ZFAND3: variants seen among roughly 807,000 people sequenced by gnomAD.
ZFAND3 encodes AN1-type zinc finger protein 3.
Under a neutral mutation model 29.6 loss-of-function variants are expected in ZFAND3, and 10 were observed. That is an observed-to-expected ratio of 0.34 (90% confidence interval 0.21 to 0.57). The LOEUF is 0.57. Among genes scored for constraint, ZFAND3 ranks in the 20% least tolerant of loss-of-function variants. The pLI is 0.86. For synonymous variants in ZFAND3, 128 were observed against 112.6 expected (o/e 1.14, Z -0.87); for missense variants, 230 against 304.5 (o/e 0.76, Z 1.82).
intron 2 of ZFAND3, among the ~76,000 whole-genome samples, chr6:37,938,094 CT>C (rs1672454541): frequency 6.6e-6 from 1 of 152,188 alleles, no homozygotes; most frequent in Non-Finnish European, 1.5e-5. Context: ...TGTATTTACA[CT>C]TTTTATTATG....
intron 2 of ZFAND3, among the ~76,000 whole-genome samples, chr6:37,955,304 G>T (rs1052225563): frequency 6.6e-6 from 1 of 152,134 alleles, no homozygotes. Context: ...AAGTCCTCCA[G>T]ATCATCTTTA....
At chr6:37,892,770 C>G (rs1159065604) in intron 1 of ZFAND3, among the ~76,000 whole-genome samples, 1 of 152,068 alleles carries the variant, frequency 6.6e-6, no homozygotes, top group African/African-American at 2.4e-5. Flanking sequence ...AAAGAGGAGA[C>G]ACTACTGTTG....
At chr6:38,039,213 C>T (rs1452532740) in intron 2 of ZFAND3, among the ~76,000 whole-genome samples, 1 of 152,100 alleles carries the variant, frequency 6.6e-6, no homozygotes, top group African/African-American at 2.4e-5. Context: ...TTAAAATCTG[C>T]TTCCTTACTA....
intron 4 of ZFAND3, among the ~76,000 whole-genome samples, chr6:38,113,814 A>G (rs1356466021): frequency 6.6e-6 from 1 of 152,154 alleles, no homozygotes; most frequent in Non-Finnish European, 1.5e-5. Context: ...GGCTTCATTG[A>G]CACAGTGAAA....
At chr6:37,897,638 C>T (rs1425717888) in intron 1 of ZFAND3, among the ~76,000 whole-genome samples, 1 of 152,170 alleles carries the variant, frequency 6.6e-6, no homozygotes, top group African/African-American at 2.4e-5. Flanking sequence ...TGTTCCACAC[C>T]TTTGCCAGAA....
rs79856718 is a variant in ZFAND3 at position 38,038,833 on chromosome 6, A to C, written c.113-22760A>C. On this transcript the variant is annotated intron_variant, in intron 2 of 5. Transcript: ENST00000287218. ...GCAAGGCATACCAAAAAGGAGCTGA[A>C]TCTATATCATATAAGCGGCTTGGGG... Among the ~76,000 whole-genome samples, 2,534 of 152,264 alleles carry C rather than the reference A, an allele frequency of 0.017. 255 individuals carry two copies. The East Asian group carries it at 0.28, about 17-fold the overall frequency.
chr6:38,053,608 G>A (rs549125045), intron 2 of ZFAND3, among the ~76,000 whole-genome samples: 4 of 152,096 alleles, frequency 2.6e-5, no homozygotes, highest in South Asian at 2.1e-4. Context: ...CGCTTGAACC[G>A]AAGAGGCTTG....
At chr6:37,836,995 C>A (rs1763979591) in intron 1 of ZFAND3, among the ~76,000 whole-genome samples, 1 of 152,110 alleles carries the variant, frequency 6.6e-6, no homozygotes, top group Non-Finnish European at 1.5e-5. Flanking sequence ...TGAAGTCTTT[C>A]CAATTGTATG....
intron 3 of ZFAND3, among the ~76,000 whole-genome samples, chr6:38,067,229 T>C (rs1004047609): frequency 1.3e-5 from 2 of 152,228 alleles, no homozygotes; most frequent in South Asian, 2.1e-4. Context: ...GCAATACTTA[T>C]TTTCCATCTG....
chr6:37,871,083 CTT>C (rs112240454), intron 1 of ZFAND3, among the ~76,000 whole-genome samples: 20 of 152,280 alleles, frequency 1.3e-4, no homozygotes, highest in African/African-American at 4.8e-4. Flanking sequence ...CCCATTCTCT[CTT>C]AGTTCTGATT....
chr6:37,863,468 C>G (rs760345394), intron 1 of ZFAND3, among the ~76,000 whole-genome samples: 1 of 152,200 alleles, frequency 6.6e-6, no homozygotes, highest in Non-Finnish European at 1.5e-5. Context: ...AACAGAAGTG[C>G]TACATCACTT....
intron 1 of ZFAND3, among the ~76,000 whole-genome samples, chr6:37,823,307 A>G (rs1561900880): frequency 1.3e-5 from 2 of 152,172 alleles, no homozygotes; most frequent in South Asian, 4.1e-4. Context: ...TGTTTTAAAA[A>G]TTTTATGCAG....
intron 2 of ZFAND3, among the ~76,000 whole-genome samples, chr6:38,013,929 T>C (rs1012951519): frequency 7.9e-5 from 12 of 152,334 alleles, no homozygotes; most frequent in African/African-American, 2.9e-4. Flanking sequence ...ACATTTAAAG[T>C]TTTGCTTTTG....
At chr6:38,140,269 G>C (rs944805673) in intron 5 of ZFAND3, among the ~76,000 whole-genome samples, 2 of 152,176 alleles carry the variant, frequency 1.3e-5, no homozygotes, top group Non-Finnish European at 2.9e-5. Context: ...TTTTAACCTT[G>C]AAGAAGAGTG....
chr6:38,094,203 A>G (rs1388870934), intron 4 of ZFAND3, among the ~76,000 whole-genome samples: 1 of 152,124 alleles, frequency 6.6e-6, no homozygotes, highest in Non-Finnish European at 1.5e-5. Context: ...TAAGGAAGGA[A>G]CTATTGTGGA....
At chr6:38,063,527 T>C (rs572221102) in intron 3 of ZFAND3, among the ~76,000 whole-genome samples, 5 of 152,218 alleles carry the variant, frequency 3.3e-5, no homozygotes, top group African/African-American at 1.2e-4. Context: ...TTGGTCCTTA[T>C]GTATTAAAGA....
intron 2 of ZFAND3, among the ~76,000 whole-genome samples, chr6:37,994,734 T>G (rs1398369177): frequency 1.3e-5 from 2 of 152,186 alleles, no homozygotes; most frequent in Non-Finnish European, 2.9e-5. Context: ...TTGTTTTATT[T>G]TGTGGCTCAC....
chr6:37,869,457 C>T (rs544950238), intron 1 of ZFAND3, among the ~76,000 whole-genome samples: 4 of 151,924 alleles, frequency 2.6e-5, no homozygotes, highest in East Asian at 1.9e-4. Context: ...CGTGCCTGGC[C>T]GTTATTTTGT....
chr6:38,090,979 A>G (rs1172909645), intron 4 of ZFAND3, among the ~76,000 whole-genome samples: 2 of 152,178 alleles, frequency 1.3e-5, no homozygotes, highest in Non-Finnish European at 2.9e-5. Context: ...TGCTATACTT[A>G]AAGTCAAAAA....
Sources: gnomAD v4.1 joint callset for allele counts (sites outside exome capture counted in the v4.1 genomes callset) on GRCh38, gnomAD v4.1.1 for gene constraint, MANE v1.5 for transcripts, NCBI Gene and HGNC (gene_info 2026-07-23, HGNC 2026-07-21) for gene names.